The following CCDC102B variants were observed in gnomAD, a reference collection of about 807,000 sequenced individuals.
CCDC102B encodes coiled-coil domain containing 102B, also known as coiled-coil domain-containing protein 102B.
Under a neutral mutation model 57.4 loss-of-function variants are expected in CCDC102B, and 75 were observed. The ratio of observed to expected loss-of-function variants is 1.31; its 90% CI spans 1.08 to 1.58. The LOEUF is 1.58. Among genes scored for constraint, CCDC102B ranks in the 40% most tolerant of loss-of-function variants. The probability of loss-of-function intolerance (pLI) is 0.00; values close to 1 mark genes in which losing one functional copy is unlikely to be tolerated. For missense variants in CCDC102B, 636 were observed against 582.6 expected, an observed-to-expected ratio of 1.09 and a Z score of -0.94; for synonymous variants, 206 against 201.9, an observed-to-expected ratio of 1.02 and a Z score of -0.17.
At chr18:68,829,540 C>T (rs935744058) in intron 1 of CCDC102B, among the ~76,000 whole-genome samples, 5 of 152,030 alleles carry the variant, frequency 3.3e-5, no homozygotes, top group African/African-American at 1.2e-4. Context: ...AATCTTTGAT[C>T]TTCACTCTTC....
chr18:68,925,078 T>C (rs1446125198), intron 6 of CCDC102B, among the ~76,000 whole-genome samples: 2 of 152,046 alleles, frequency 1.3e-5, no homozygotes, highest in African/African-American at 2.4e-5. Flanking sequence ...GAAGAACCAA[T>C]GTTCTCAAAA....
intron 4 of CCDC102B, among the ~76,000 whole-genome samples, chr18:68,871,761 G>A (rs1252859606): frequency 6.6e-6 from 1 of 152,128 alleles, no homozygotes; most frequent in African/African-American, 2.4e-5. Flanking sequence ...GGATCATGTG[G>A]ATAATAAGGA....
intron 2 of CCDC102B, among the ~76,000 whole-genome samples, chr18:68,744,752 G>A (rs1599398625): frequency 6.6e-6 from 1 of 152,314 alleles, no homozygotes; most frequent in East Asian, 1.9e-4. Flanking sequence ...CCCAGAGATG[G>A]TGGAGCATGT....
At chr18:68,945,505 A>G (rs2049514148) in intron 6 of CCDC102B, among the ~76,000 whole-genome samples, 1 of 152,156 alleles carries the variant, frequency 6.6e-6, no homozygotes. Context: ...TTATTCATGT[A>G]CAAGTTAGCT....
At chr18:68,989,617 G>A (rs995925209) in intron 6 of CCDC102B, among the ~76,000 whole-genome samples, 1 of 152,158 alleles carries the variant, frequency 6.6e-6, no homozygotes, top group African/African-American at 2.4e-5. Flanking sequence ...CTCAGGCAGG[G>A]GGCCTGCGGG....
chr18:68,920,393 C>G (rs1170410464), intron 6 of CCDC102B, among the ~76,000 whole-genome samples: 1 of 152,126 alleles, frequency 6.6e-6, no homozygotes, highest in African/African-American at 2.4e-5. Flanking sequence ...TGATGTTTGG[C>G]AAACCTGGAA....
intron 5 of CCDC102B, among the ~76,000 whole-genome samples, chr18:68,893,908 A>C (rs1194254330): frequency 6.6e-6 from 1 of 152,090 alleles, no homozygotes; most frequent in East Asian, 1.9e-4. Context: ...AAATCCTAAC[A>C]TTCCATAACT....
intron 2 of CCDC102B, among the ~76,000 whole-genome samples, chr18:68,745,601 C>T (rs1341320692): frequency 6.6e-6 from 1 of 151,982 alleles, no homozygotes; most frequent in Non-Finnish European, 1.5e-5. Flanking sequence ...TATTAAAAAT[C>T]CTCTCTTCCA....
In CCDC102B at chr18:68,874,687, C is replaced by A; in HGVS notation, c.955C>A (p.Gln319Lys). Residue 319 changes from glutamine (Q) to lysine (K), a missense_variant, in exon 5 of 8, where the codon CAA becomes AAA. Physicochemically the swap from Gln to Lys is moderately conservative, Grantham distance 53 (BLOSUM62 1). Transcript: ENST00000360242. ...TTTTCAGTTTGACATTCTTCTTGGTCAACATAATGATGAAATGCAAGAACT... is the reference window on the plus strand; with the variant it reads ...TTTTCAGTTTGACATTCTTCTTGGTAAACATAATGATGAAATGCAAGAACT... ...NVKEFDILLG[Q>K]HNDEMQELSG... 1 of 1,608,436 alleles carries A rather than the reference C, an allele frequency of 6.2e-7. No homozygotes were observed. Among genetic ancestry groups the A allele is most frequent in the South Asian group, 1.1e-5 (1 of 90,834 alleles).
At chr18:68,811,941 C>G (rs1304247984) in intron 1 of CCDC102B, among the ~76,000 whole-genome samples, 1 of 152,152 alleles carries the variant, frequency 6.6e-6, no homozygotes, top group Non-Finnish European at 1.5e-5. Context: ...GGGAAAATAA[C>G]TCAGTCACTG....
At chr18:68,906,550 G>A (rs2040651447) in intron 6 of CCDC102B, among the ~76,000 whole-genome samples, 1 of 152,212 alleles carries the variant, frequency 6.6e-6, no homozygotes, top group Non-Finnish European at 1.5e-5. Context: ...CAGTGGGTTT[G>A]GTTTCTCATT....
intron 7 of CCDC102B, among the ~76,000 whole-genome samples, chr18:69,018,971 A>G (rs2051749222): frequency 6.6e-6 from 1 of 152,008 alleles, no homozygotes; most frequent in South Asian, 2.1e-4. Context: ...AGCTATCCCA[A>G]CACTACTTGT....
At chr18:68,957,987 G>A (rs1053072651) in intron 6 of CCDC102B, among the ~76,000 whole-genome samples, 2 of 152,160 alleles carry the variant, frequency 1.3e-5, no homozygotes, top group Non-Finnish European at 2.9e-5. Context: ...CAAAAGAGAG[G>A]TTTAATGGAC....
intron 2 of CCDC102B, among the ~76,000 whole-genome samples, chr18:68,772,660 T>C (rs1040615936): frequency 7.2e-5 from 11 of 152,150 alleles, no homozygotes; most frequent in African/African-American, 1.9e-4. Flanking sequence ...ATAAATTATT[T>C]AAATTGATAA....
At chr18:69,014,407 C>A (rs895405035) in intron 7 of CCDC102B, among the ~76,000 whole-genome samples, 1 of 152,108 alleles carries the variant, frequency 6.6e-6, no homozygotes. Context: ...AAACTATAGA[C>A]CAGGCAGCTA....
intron 2 of CCDC102B, among the ~76,000 whole-genome samples, chr18:68,777,113 T>A (rs1390781122): frequency 6.6e-6 from 1 of 152,232 alleles, no homozygotes; most frequent in African/African-American, 2.4e-5. Context: ...TGCTGAGAAC[T>A]TTTTGATTAA....
In CCDC102B at chr18:68,931,399, A is replaced by G. The variant is rs1021838066; in HGVS notation, c.1263+33971A>G. On this transcript the variant is annotated intron_variant, in intron 6 of 7. Coordinates refer to ENST00000360242, the MANE Select transcript of CCDC102B (RefSeq NM_024781.3). ...TTTAGTACGTTCATATAGCAATCTA[A>G]TTTGGACCAACACCTTCCATGTTGT... Among the ~76,000 whole-genome samples, 5 of 151,846 alleles carry G rather than the reference A, an allele frequency of 3.3e-5. No individual in the cohort carries two copies. The East Asian group carries it at 9.7e-4, about 29-fold the overall frequency.
At chr18:68,864,390 T>G (rs1211457408) in intron 4 of CCDC102B, among the ~76,000 whole-genome samples, 1 of 152,036 alleles carries the variant, frequency 6.6e-6, no homozygotes, top group Non-Finnish European at 1.5e-5. Context: ...TCAGCTCATT[T>G]AAAATACTGA....
At chr18:68,911,579 C>T (rs1029303429) in intron 6 of CCDC102B, among the ~76,000 whole-genome samples, 12 of 147,826 alleles carry the variant, frequency 8.1e-5, no homozygotes, top group African/African-American at 1.2e-4. Flanking sequence ...GGTGAAACCC[C>T]GTCTCTACTA....
Sources: gnomAD v4.1 joint callset for allele counts (sites outside exome capture counted in the v4.1 genomes callset) on GRCh38, gnomAD v4.1.1 for gene constraint, MANE v1.5 for transcripts, NCBI Gene and HGNC (gene_info 2026-07-23, HGNC 2026-07-21) for gene names.